NECAP1: variants seen among roughly 807,000 people sequenced by gnomAD.
NECAP1 encodes adaptin ear-binding coat-associated protein 1.
NECAP1 carries 13 observed loss-of-function variants against 33.4 expected under a neutral mutation model. That is an observed-to-expected ratio of 0.39 (90% confidence interval 0.25 to 0.62). The LOEUF is 0.62. Among genes scored for constraint, NECAP1 ranks in the 20% least tolerant of loss-of-function variants. The pLI is 0.52. For missense variants in NECAP1, 272 were observed against 347.4 expected, an observed-to-expected ratio of 0.78 and a Z score of 1.73; for synonymous variants, 109 against 125.2, an observed-to-expected ratio of 0.87 and a Z score of 0.86.
chr12:8,092,565 T>A (rs1947559780), intron 4 of NECAP1, 111 bp from the exon 5 acceptor site: 2 of 728,192 alleles, frequency 2.7e-6, no homozygotes, highest in Admixed American at 5.9e-5. Context: ...TTTTTATCTC[T>A]CACTGTGTTT....
At position 8,091,832 on chromosome 12, in the gene NECAP1, C is replaced by G. The variant is rs143050431; in HGVS notation, c.365C>G (p.Ser122Cys). The G allele has an allele frequency of 1.9e-6, 3 of 1,613,414 alleles. No homozygotes were observed. Among genetic ancestry groups the G allele is most frequent in the Non-Finnish European group, 2.5e-6 (3 of 1,179,830 alleles). ...DRGDAFDFNVSLQDHFKWVKQ... is the reference protein window; with the variant it reads ...DRGDAFDFNVCLQDHFKWVKQ... ...GGAGATGCCTTCGACTTTAATGTCT[C>G]CTTGCAGGATCACTTCAAGTGAGTG... Residue 122 changes from serine to cysteine, a missense_variant, in exon 4 of 8, where the codon TCC becomes TGC. Ser to Cys is a moderately radical substitution (Grantham distance 112, BLOSUM62 -1). Transcript: ENST00000339754.
chr12:8,095,497 C>G lies in NECAP1; in HGVS notation c.677-104C>G, dbSNP rs11043343. The G allele has an allele frequency of 4.1e-6, 3 of 727,796 alleles. No individual in the cohort carries two copies. The East Asian group carries it at 1.0e-4, about 24-fold the overall frequency. 45.1% of individuals were successfully genotyped at this position (727,796 alleles called of 1,614,324 possible). A position where few individuals can be genotyped will look rare whatever the true frequency, so the allele number is the denominator to read the frequency against. On this transcript the variant is annotated intron_variant, in intron 6 of 7. Transcript: ENST00000339754. ...TCTCCTGACCTCATGATCCACCCGC[C>G]TCGGCCTCCCAAAGTGCTGGGATTA...
chr12:8,092,884 A>C lies in NECAP1; in HGVS notation c.505A>C (p.Lys169Gln). The C allele has an allele frequency of 6.4e-7, 1 of 1,573,504 alleles. No individual in the cohort carries two copies. The highest frequency in any genetic ancestry group is 8.6e-7 in the Non-Finnish European group (1 of 1,160,366). The change falls in exon 6 of 8, where the codon AAG (lysine) becomes CAG (glutamine). Residue 169 changes from lysine (K) to glutamine (Q), a missense_variant. Lys to Gln is a moderately conservative substitution (Grantham distance 53). Coordinates refer to ENST00000339754, the MANE Select transcript of NECAP1 (RefSeq NM_015509.4). ...IKLCIGNITN[K>Q]KGGASKPRTA... ...TTTTCTTTTGTAGAACATTACAAAC[A>C]AGAAAGGAGGTGCTTCTAAGCCCAG...
intron 1 of NECAP1, among the ~76,000 whole-genome samples, chr12:8,084,673 T>C (rs1208271638): frequency 6.6e-6 from 1 of 152,192 alleles, no homozygotes; most frequent in African/African-American, 2.4e-5. Flanking sequence ...CATAGCACTT[T>C]ATTCTTATCT....
intron 1 of NECAP1, among the ~76,000 whole-genome samples, chr12:8,085,579 A>G (rs1412844071): frequency 6.8e-6 from 1 of 147,764 alleles, no homozygotes; most frequent in Non-Finnish European, 1.5e-5. Flanking sequence ...AACGATATTT[A>G]TTTGCTGGGT....
chr12:8,086,574 A>G (rs1381239073), intron 1 of NECAP1, among the ~76,000 whole-genome samples: 1 of 152,150 alleles, frequency 6.6e-6, no homozygotes, highest in African/African-American at 2.4e-5. Context: ...AGATCATGCC[A>G]CTGCTCTCCA....
chr12:8,092,729 G>T lies in NECAP1; in HGVS notation c.437G>T (p.Arg146Leu), dbSNP rs769210779. 2 of 1,613,928 alleles carry T rather than the reference G, an allele frequency of 1.2e-6. No individual in the cohort carries two copies. The highest frequency in any genetic ancestry group is 8.5e-7 in the Non-Finnish European group (1 of 1,179,848). ...AAGGAATCTCAAGAAATGGATGCTC[G>T]TCCTAAGTTGGATCTGGGCTTCAAG... ...ISKESQEMDARPKLDLGFKEG... is the reference protein window; with the variant it reads ...ISKESQEMDALPKLDLGFKEG... The change falls in exon 5 of 8, where the codon CGT becomes CTT. Residue 146 changes from arginine (R) to leucine (L), a missense_variant. Coordinates refer to ENST00000339754, the MANE Select transcript of NECAP1 (RefSeq NM_015509.4).
At chr12:8,093,179 G>A in intron 6 of NECAP1, 124 bp downstream of exon 6, 2 of 951,206 alleles carry the variant, frequency 2.1e-6, no homozygotes, top group Non-Finnish European at 3.1e-6. Context: ...AGGTGATTCT[G>A]TCAGCTTCTA....
At position 8,097,721 on chromosome 12, in the gene NECAP1, A is replaced by G. The variant is rs1306314478; in HGVS notation, c.*1631A>G. The G allele has an allele frequency of 6.6e-6, 1 of 152,646 alleles. No individual in the cohort carries two copies. Among genetic ancestry groups the G allele is most frequent in the Non-Finnish European group, 1.5e-5 (1 of 68,048 alleles). 9.5% of individuals were successfully genotyped at this position (152,646 alleles called of 1,614,324 possible). A position where few individuals can be genotyped will look rare whatever the true frequency, so the allele number is the denominator to read the frequency against. ...AAATGTTTAAGATATATGTATATAAAGTGTATGCTGTATTGGTGCAATAAT... is the reference window on the plus strand; with the variant it reads ...AAATGTTTAAGATATATGTATATAAGGTGTATGCTGTATTGGTGCAATAAT... On this transcript the variant is annotated 3_prime_UTR_variant, in exon 8 of 8. Coordinates refer to ENST00000339754, the MANE Select transcript of NECAP1 (RefSeq NM_015509.4).
chr12:8,093,000 C>T lies in NECAP1; in HGVS notation c.621C>T (p.Ser207=), dbSNP rs1565645157. The T allele has an allele frequency of 6.8e-6, 11 of 1,614,080 alleles. No homozygotes were observed. Among genetic ancestry groups the T allele is most frequent in the Non-Finnish European group, 7.6e-6 (9 of 1,179,970 alleles). Residue 207 remains serine, a synonymous_variant, in exon 6 of 8, where the codon AGC becomes AGT. Transcript: ENST00000339754. ...CACCATCCTCCTCAGTTGCCATCAG[C>T]AATCATGTCACCCCACCACCCATTC... is the stretch of plus-strand genomic sequence containing the variant. ...IPPPSSSVAI[S]NHVTPPPIPK...
chr12:8,087,116 A>G (rs1947498967), intron 1 of NECAP1, among the ~76,000 whole-genome samples: 1 of 152,058 alleles, frequency 6.6e-6, no homozygotes, highest in Non-Finnish European at 1.5e-5. Context: ...AAAGTTAGGC[A>G]TTATTACTTA....
intron 1 of NECAP1, among the ~76,000 whole-genome samples, chr12:8,085,260 C>T (rs961724666): frequency 3.9e-5 from 6 of 152,166 alleles, no homozygotes; most frequent in Admixed American, 2.0e-4. Flanking sequence ...CCTCGTGATC[C>T]GCCTGCCTTG....
intron 6 of NECAP1, 57 bp downstream of exon 6, chr12:8,093,112 A>C: frequency 6.6e-7 from 1 of 1,526,520 alleles, no homozygotes; most frequent in Non-Finnish European, 9.1e-7. Context: ...ATTAAGCAAC[A>C]CCTGTTTGTC....
chr12:8,096,332 TATC>T lies in NECAP1; in HGVS notation c.*245_*247del. 1 of 435,960 alleles carries T rather than the reference TATC, an allele frequency of 2.3e-6. No individual in the cohort carries two copies. Among genetic ancestry groups the T allele is most frequent in the East Asian group, 3.5e-5 (1 of 28,944 alleles). 27.0% of individuals were successfully genotyped at this position (435,960 alleles called of 1,614,324 possible). A position where few individuals can be genotyped will look rare whatever the true frequency, so the allele number is the denominator to read the frequency against. On this transcript the variant is annotated 3_prime_UTR_variant, in exon 8 of 8. Coordinates refer to ENST00000339754, the MANE Select transcript of NECAP1 (RefSeq NM_015509.4). ...ACCAAGGTAGGGGACTAGTGGATCT[TATC>T]ATAGTTTTGGCTGACTATGCAGGGC...
Position 8,090,700 on chromosome 12 carries a change from C to T in NECAP1, c.301+401C>T, listed in dbSNP as rs780411474. 9 of 165,274 alleles carry T rather than the reference C, an allele frequency of 5.4e-5. No homozygotes were observed. In the South Asian group the frequency reaches 1.0e-3, roughly 18 times the overall value. 10.2% of individuals were successfully genotyped at this position (165,274 alleles called of 1,614,324 possible). On this transcript the variant is annotated intron_variant, in intron 3 of 7. Transcript: ENST00000339754. The stretch of plus-strand genomic sequence containing the variant: ...GCAGGTGCCTGTAATCCCGGCTACT[C>T]GGGTGGCTGAGACAGGAGAATCACT...
At chr12:8,090,456 A>C (rs1440848345) in intron 3 of NECAP1, 157 bp downstream of exon 3, 1 of 630,742 alleles carries the variant, frequency 1.6e-6, no homozygotes, top group Non-Finnish European at 2.8e-6. Flanking sequence ...AAAAGTATTA[A>C]CATGTTATTT....
chr12:8,082,392 C>T lies in NECAP1; in HGVS notation c.95+9C>T, dbSNP rs199764142. ...TCCAACCGCGGTTACAGGTACTAAC[C>T]CCGAGGCGCTGCCGCACACGCGTAC... On this transcript the variant is annotated intron_variant, in intron 1 of 7. Transcript: ENST00000339754. 64 of 1,612,204 alleles carry T rather than the reference C, an allele frequency of 4.0e-5. No individual in the cohort carries two copies. The East Asian group carries it at 1.2e-3, about 31-fold the overall frequency.
intron 1 of NECAP1, chr12:8,089,707 AATG>A (rs1947524593): frequency 6.2e-6 from 3 of 484,310 alleles, no homozygotes; most frequent in Admixed American, 3.6e-5. Context: ...CCATCTTTTT[AATG>A]ATGCTTATTG....
intron 6 of NECAP1, chr12:8,093,924 G>A (rs1947572565): frequency 1.3e-5 from 2 of 152,142 alleles, no homozygotes; most frequent in Admixed American, 1.3e-4. Context: ...ATCTAGGTTT[G>A]TCCATACACT....
Sources: gnomAD v4.1 joint callset for allele counts (sites outside exome capture counted in the v4.1 genomes callset) on GRCh38, gnomAD v4.1.1 for gene constraint, MANE v1.5 for transcripts, NCBI Gene and HGNC (gene_info 2026-07-23, HGNC 2026-07-21) for gene names.